The following DAB1 variants were observed in gnomAD, a reference collection of about 807,000 sequenced individuals.
DAB1 encodes the protein disabled homolog 1.
DAB1 carries 15 observed loss-of-function variants against 64.6 expected under a neutral mutation model. The observed-to-expected ratio is 0.23, with a 90% confidence interval of 0.16 to 0.36. The LOEUF is 0.36. Ranked by LOEUF, DAB1 falls within the 10% of genes least tolerant of loss-of-function variation. The pLI is 1.00. For missense variants in DAB1, 596 were observed against 706.7 expected (o/e 0.84, Z 1.78); for synonymous variants, 235 against 251.9 (o/e 0.93, Z 0.64).
At chr1:57,450,017 A>G (rs1328423742) in intron 7 of DAB1, among the ~76,000 whole-genome samples, 1 of 152,212 alleles carries the variant, frequency 6.6e-6, no homozygotes, top group East Asian at 1.9e-4. Flanking sequence ...GACATTTTAT[A>G]TATTAGGCTC....
intron 4 of DAB1, among the ~76,000 whole-genome samples, chr1:57,099,746 G>A (rs966454925): frequency 6.6e-6 from 1 of 152,324 alleles, no homozygotes; most frequent in Admixed American, 6.5e-5. Context: ...TAGAAGCAAA[G>A]GCACTTCCCT....
intron 4 of DAB1, among the ~76,000 whole-genome samples, chr1:58,234,087 G>A (rs1185119335): frequency 6.6e-6 from 1 of 152,126 alleles, no homozygotes; most frequent in Non-Finnish European, 1.5e-5. Context: ...TAAACATAAT[G>A]AGAAAAATAA....
chr1:58,352,772 G>C (rs1366074332), intron 3 of DAB1, among the ~76,000 whole-genome samples: 1 of 152,082 alleles, frequency 6.6e-6, no homozygotes, highest in Non-Finnish European at 1.5e-5. Context: ...TTTGAGAGGT[G>C]ATGAGATCAT....
intron 4 of DAB1, among the ~76,000 whole-genome samples, chr1:58,219,274 AT>A (rs1351735702): frequency 6.6e-6 from 1 of 151,976 alleles, no homozygotes; most frequent in Admixed American, 6.6e-5. Flanking sequence ...TTCAGAGCAT[AT>A]TTTTAAAGGA....
At chr1:58,374,244 A>T (rs1450744504) in intron 3 of DAB1, among the ~76,000 whole-genome samples, 1 of 130,132 alleles carries the variant, frequency 7.7e-6, no homozygotes, top group Non-Finnish European at 1.7e-5. Flanking sequence ...TTGGACATGA[A>T]GTCCTTGCCC....
intron 5 of DAB1, among the ~76,000 whole-genome samples, chr1:57,925,168 T>C (rs1644861808): frequency 6.6e-6 from 1 of 152,212 alleles, no homozygotes; most frequent in Admixed American, 6.5e-5. Context: ...TACTCCTTAC[T>C]GCAAAAATTA....
At chr1:58,437,250 GA>G (rs766048144) in intron 3 of DAB1, among the ~76,000 whole-genome samples, 34 of 152,204 alleles carry the variant, frequency 2.2e-4, no homozygotes, top group Non-Finnish European at 4.4e-4. Context: ...AGAGGCCTGG[GA>G]ACCTGCATTT....
At chr1:57,799,585 T>G (rs200577535) in intron 6 of DAB1, among the ~76,000 whole-genome samples, 1 of 146,578 alleles carries the variant, frequency 6.8e-6, no homozygotes, top group African/African-American at 2.5e-5. Context: ...AAAAAAGATC[T>G]GGGGGGGGCT....
At chr1:57,754,621 C>T (rs575197228) in intron 6 of DAB1, among the ~76,000 whole-genome samples, 4 of 151,880 alleles carry the variant, frequency 2.6e-5, no homozygotes, top group South Asian at 2.1e-4. Context: ...AAACGGGAGG[C>T]GGAGGTTGCA....
At chr1:57,166,071 T>A (rs1350653230) in intron 2 of DAB1, among the ~76,000 whole-genome samples, 1 of 152,214 alleles carries the variant, frequency 6.6e-6, no homozygotes, top group East Asian at 1.9e-4. Context: ...CATTATTGCA[T>A]ATTTACTCAG....
intron 1 of DAB1, among the ~76,000 whole-genome samples, chr1:57,351,417 T>C (rs778181776): frequency 6.6e-6 from 1 of 152,034 alleles, no homozygotes; most frequent in Non-Finnish European, 1.5e-5. Context: ...GAAACACACA[T>C]GTAAGTTCAT....
chr1:58,163,227 C>A (rs1396951398), intron 4 of DAB1, among the ~76,000 whole-genome samples: 2 of 152,148 alleles, frequency 1.3e-5, no homozygotes, highest in African/African-American at 2.4e-5. Flanking sequence ...AAGTTAAGAA[C>A]AAAAGGATAG....
chr1:57,353,180 C>A (rs1036089542), intron 1 of DAB1, among the ~76,000 whole-genome samples: 2 of 150,498 alleles, frequency 1.3e-5, no homozygotes, highest in South Asian at 2.1e-4. Flanking sequence ...TCTAGAGAAA[C>A]CTGACTAATA....
At chr1:57,414,113 T>A (rs1684320564) in intron 1 of DAB1, among the ~76,000 whole-genome samples, 2 of 152,238 alleles carry the variant, frequency 1.3e-5, no homozygotes, top group Admixed American at 1.3e-4. Context: ...TTACATAAAC[T>A]TATTGATAAA....
intron 2 of DAB1, among the ~76,000 whole-genome samples, chr1:57,163,510 T>C (rs1344967988): frequency 6.6e-6 from 1 of 151,730 alleles, no homozygotes; most frequent in African/African-American, 2.4e-5. Context: ...TGCTGCTTTG[T>C]GAGGCAAGGT....
intron 9 of DAB1, among the ~76,000 whole-genome samples, chr1:57,043,890 A>T (rs1648126525): frequency 6.6e-6 from 1 of 151,406 alleles, no homozygotes; most frequent in African/African-American, 2.4e-5. Flanking sequence ...TTGCACTTGG[A>T]ATAAAATCCA....
chr1:57,804,982 G>A (rs1651296178), intron 6 of DAB1, among the ~76,000 whole-genome samples: 1 of 151,258 alleles, frequency 6.6e-6, no homozygotes, highest in Non-Finnish European at 1.5e-5. Flanking sequence ...CTATCCCAGA[G>A]GGGAACAGAA....
At chr1:57,635,718 A>G (rs772424214) in intron 7 of DAB1, among the ~76,000 whole-genome samples, 4 of 152,154 alleles carry the variant, frequency 2.6e-5, no homozygotes, top group Non-Finnish European at 5.9e-5. Flanking sequence ...CATCCCCCTG[A>G]CCCTGGTCCA....
intron 4 of DAB1, among the ~76,000 whole-genome samples, chr1:57,131,316 G>A (rs1657634668): frequency 6.6e-6 from 1 of 152,128 alleles, no homozygotes; most frequent in South Asian, 2.1e-4. Context: ...TCTATAAAAG[G>A]GGGATAATAA....
Sources: gnomAD v4.1 joint callset for allele counts (sites outside exome capture counted in the v4.1 genomes callset) on GRCh38, gnomAD v4.1.1 for gene constraint, MANE v1.5 for transcripts, NCBI Gene and HGNC (gene_info 2026-07-23, HGNC 2026-07-21) for gene names.